Variants in AGBL4 observed in about 807,000 individuals in gnomAD.
AGBL4 encodes cytosolic carboxypeptidase 6.
Under a neutral mutation model 66.4 loss-of-function variants are expected in AGBL4, and 58 were observed. The ratio of observed to expected loss-of-function variants is 0.87; its 90% CI spans 0.71 to 1.09. The LOEUF (loss-of-function observed/expected upper bound fraction) is 1.09. AGBL4 is among the 50% of genes least tolerant of loss of function. AGBL4 has a pLI of 0.00. For synonymous variants in AGBL4, 234 were observed against 222.9 expected (o/e 1.05, Z -0.44); for missense variants, 579 against 631.0 (o/e 0.92, Z 0.88).
intron 9 of AGBL4, among the ~76,000 whole-genome samples, chr1:48,622,090 G>A (rs959886240): frequency 6.7e-5 from 10 of 148,206 alleles, no homozygotes; most frequent in African/African-American, 2.7e-4. Context: ...CTGCCACCCA[G>A]CCTTGCCTCC....
chr1:49,932,271 A>G (rs2148267051), intron 1 of AGBL4, among the ~76,000 whole-genome samples: 1 of 152,324 alleles, frequency 6.6e-6, no homozygotes, highest in Non-Finnish European at 1.5e-5. Context: ...TAGTCATTTT[A>G]AAAATTAGAT....
intron 2 of AGBL4, chr1:49,842,260 G>T: frequency 2.2e-6 from 1 of 446,158 alleles, no homozygotes. Flanking sequence ...ATGATGTAAT[G>T]CTGGACGCCT....
intron 3 of AGBL4, among the ~76,000 whole-genome samples, chr1:49,514,463 A>C (rs1021420138): frequency 1.1e-4 from 17 of 152,128 alleles, no homozygotes; most frequent in African/African-American, 3.9e-4. Flanking sequence ...CATACTGCCC[A>C]AGGTAATTTA....
At chr1:49,753,206 T>C (rs527325614) in intron 2 of AGBL4, among the ~76,000 whole-genome samples, 9 of 152,348 alleles carry the variant, frequency 5.9e-5, no homozygotes, top group African/African-American at 2.2e-4. Flanking sequence ...TGGCTGGTAC[T>C]GGTTTATGCT....
rs1295211082 is a variant in AGBL4 at position 49,016,231 on chromosome 1, C to A, written c.594+29353G>T. ...GGGCATGCCTGTGACAGCTGTACCC[C>A]CTCAGCATGCCAGTGGGGCTGTCCA... On this transcript the variant is annotated intron_variant, in intron 5 of 13. Transcript: ENST00000371839. Among the ~76,000 whole-genome samples, 5 of 152,322 alleles carry A rather than the reference C, an allele frequency of 3.3e-5. 1 individual carries two copies. The South Asian group carries it at 1.0e-3, about 32-fold the overall frequency.
chr1:49,775,138 G>A (rs1644164864), intron 2 of AGBL4, among the ~76,000 whole-genome samples: 1 of 152,040 alleles, frequency 6.6e-6, no homozygotes, highest in Non-Finnish European at 1.5e-5. Flanking sequence ...AAGTAAAAGG[G>A]CAATATCATA....
intron 2 of AGBL4, among the ~76,000 whole-genome samples, chr1:49,813,939 A>C (rs563635118): frequency 6.6e-6 from 1 of 152,230 alleles, no homozygotes; most frequent in South Asian, 2.1e-4. Flanking sequence ...TTCCCATGCT[A>C]TTCTCATGAT....
intron 3 of AGBL4, among the ~76,000 whole-genome samples, chr1:49,473,358 T>A (rs989108282): frequency 4.6e-5 from 7 of 152,072 alleles, no homozygotes; most frequent in African/African-American, 7.2e-5. Context: ...AGATGGTACC[T>A]CATTGTGGTT....
chr1:49,577,686 C>G (rs987947239), intron 3 of AGBL4, among the ~76,000 whole-genome samples: 1 of 152,224 alleles, frequency 6.6e-6, no homozygotes, highest in Non-Finnish European at 1.5e-5. Flanking sequence ...AAGGCGCTCA[C>G]TTTACCGCTA....
intron 1 of AGBL4, among the ~76,000 whole-genome samples, chr1:49,948,009 A>AATATATATTTAT (rs1378501060): frequency 6.3e-5 from 2 of 31,862 alleles, no homozygotes; most frequent in African/African-American, 7.0e-4. Context: ...AATATATATA[A>AATATATATTTAT]ATATATAAAT....
rs1054838075 is a variant in AGBL4 at position 49,730,141 on chromosome 1, A to G, written c.158-32704T>C. On this transcript the variant is annotated intron_variant, in intron 2 of 13. Coordinates refer to ENST00000371839, the MANE Select transcript of AGBL4 (RefSeq NM_032785.4). ...TTCTCACTTCTGGGCCTCCTCTCACACAGTGGGCTACCCACTTCAGGTCCC... is the reference window on the plus strand; with the variant it reads ...TTCTCACTTCTGGGCCTCCTCTCACGCAGTGGGCTACCCACTTCAGGTCCC... Among the ~76,000 whole-genome samples, 3 of 152,110 alleles carry G rather than the reference A, an allele frequency of 2.0e-5. No individual in the cohort carries two copies. In the South Asian group the frequency reaches 6.2e-4, roughly 31 times the overall value.
At chr1:48,798,832 T>C (rs2148739973) in intron 6 of AGBL4, among the ~76,000 whole-genome samples, 1 of 152,318 alleles carries the variant, frequency 6.6e-6, no homozygotes, top group East Asian at 1.9e-4. Context: ...GCTATAAGTT[T>C]TTGGCTTTAT....
chr1:49,505,184 A>G (rs2148771129), intron 3 of AGBL4, among the ~76,000 whole-genome samples: 1 of 152,142 alleles, frequency 6.6e-6, no homozygotes, highest in East Asian at 1.9e-4. Context: ...TATAATATAT[A>G]TCCCTTAAAA....
chr1:48,689,374 C>CACCT (rs527261285), intron 6 of AGBL4, among the ~76,000 whole-genome samples: 5,163 of 150,256 alleles, frequency 0.034, 157 homozygotes, highest in South Asian at 0.077. Context: ...GGATGACGGT[C>CACCT]ACCTACCTAC....
intron 9 of AGBL4, among the ~76,000 whole-genome samples, chr1:48,632,710 C>T (rs1269264357): frequency 6.6e-6 from 1 of 152,180 alleles, no homozygotes; most frequent in East Asian, 1.9e-4. Context: ...CAATTCAACT[C>T]AACATGCAGT....
At chr1:48,688,214 C>T (rs908034037) in intron 6 of AGBL4, among the ~76,000 whole-genome samples, 3 of 152,126 alleles carry the variant, frequency 2.0e-5, no homozygotes, top group Non-Finnish European at 4.4e-5. Context: ...CTCAGTGGAT[C>T]GTGAGAAACT....
At chr1:49,528,539 A>C (rs1650849098) in intron 3 of AGBL4, among the ~76,000 whole-genome samples, 1 of 152,082 alleles carries the variant, frequency 6.6e-6, no homozygotes, top group African/African-American at 2.4e-5. Flanking sequence ...GCTAGACATA[A>C]TCCCCACCTC....
At chr1:49,387,781 A>G (rs1644765533) in intron 3 of AGBL4, among the ~76,000 whole-genome samples, 1 of 152,014 alleles carries the variant, frequency 6.6e-6, no homozygotes, top group African/African-American at 2.4e-5. Context: ...TATTAACGTG[A>G]TCATATGCAA....
At chr1:49,588,189 C>T (rs1375871905) in intron 3 of AGBL4, among the ~76,000 whole-genome samples, 1 of 152,142 alleles carries the variant, frequency 6.6e-6, no homozygotes, top group Non-Finnish European at 1.5e-5. Flanking sequence ...TATCTATGCC[C>T]AGCAAAATCT....
Sources: gnomAD v4.1 joint callset for allele counts (sites outside exome capture counted in the v4.1 genomes callset) on GRCh38, gnomAD v4.1.1 for gene constraint, MANE v1.5 for transcripts, NCBI Gene and HGNC (gene_info 2026-07-23, HGNC 2026-07-21) for gene names.